The following ADAMTSL1 variants were observed in gnomAD, a reference collection of about 807,000 sequenced individuals.
The protein encoded by ADAMTSL1 is ADAMTS like 1, also known as ADAMTS-like protein 1.
Under a neutral mutation model 201.8 loss-of-function variants are expected in ADAMTSL1, and 126 were observed. The ratio of observed to expected loss-of-function variants is 0.62; its 90% CI spans 0.54 to 0.72. ADAMTSL1 has a LOEUF of 0.72. Ranked by LOEUF, ADAMTSL1 falls within the 30% of genes least tolerant of loss-of-function variation. The pLI, the probability that ADAMTSL1 is intolerant of heterozygous loss-of-function variation, is 0.00. For missense variants in ADAMTSL1, 2,679 were observed against 2,277.8 expected (o/e 1.18, Z -3.59); for synonymous variants, 1,121 against 903.4 (o/e 1.24, Z -4.32).
intron 2 of ADAMTSL1, among the ~76,000 whole-genome samples, chr9:18,300,461 G>T (rs1833662396): frequency 6.6e-6 from 1 of 151,780 alleles, no homozygotes; most frequent in Non-Finnish European, 1.5e-5. Context: ...GGGCCTGTCA[G>T]GGGGAGGGGG....
At position 17,969,693 on chromosome 9, in the gene ADAMTSL1, T is replaced by C. The variant is rs183083811; in HGVS notation, c.87+62771T>C. On this transcript the variant is annotated intron_variant, in intron 1 of 29. Transcript: ENST00000680146. ...AGTTGTAGATTAAACACATGTCTAA[T>C]CTATACATTAAGTTATTTTTAGAAA... Among the ~76,000 whole-genome samples, 53 of 152,182 alleles carry C rather than the reference T, an allele frequency of 3.5e-4. 1 individual carries two copies. Among genetic ancestry groups the C allele is most frequent in the Admixed American group, 3.3e-3 (50 of 15,246 alleles).
intron 2 of ADAMTSL1, among the ~76,000 whole-genome samples, chr9:18,168,272 C>A (rs996020132): frequency 2.0e-5 from 3 of 152,016 alleles, no homozygotes; most frequent in Non-Finnish European, 1.5e-5. Flanking sequence ...CTATCCCTCA[C>A]CCCTCCCCCA....
At chr9:18,856,419 C>T (rs1490855812) in intron 23 of ADAMTSL1, among the ~76,000 whole-genome samples, 1 of 147,976 alleles carries the variant, frequency 6.8e-6, no homozygotes, top group South Asian at 2.2e-4. Flanking sequence ...TTATTGTTGA[C>T]ATAGCAATGA....
intron 23 of ADAMTSL1, among the ~76,000 whole-genome samples, chr9:18,846,372 G>T (rs1017995483): frequency 1.5e-4 from 23 of 152,202 alleles, no homozygotes; most frequent in Admixed American, 1.5e-3. Context: ...CTGGATAGAG[G>T]TTACCCAGGT....
At chr9:18,727,507 T>C (rs1817959030) in intron 15 of ADAMTSL1, among the ~76,000 whole-genome samples, 1 of 152,248 alleles carries the variant, frequency 6.6e-6, no homozygotes, top group South Asian at 2.1e-4. Flanking sequence ...TGGATAGGAA[T>C]CTGCCATAGC....
At chr9:18,823,999 G>C (rs977093739) in intron 21 of ADAMTSL1, among the ~76,000 whole-genome samples, 3 of 150,894 alleles carry the variant, frequency 2.0e-5, no homozygotes, top group African/African-American at 7.3e-5. Flanking sequence ...CAATAAGAAA[G>C]AAAAGGAAGG....
At chr9:18,015,497 G>C (rs908131259) in intron 1 of ADAMTSL1, among the ~76,000 whole-genome samples, 1 of 152,002 alleles carries the variant, frequency 6.6e-6, no homozygotes, top group African/African-American at 2.4e-5. Context: ...AGCTCATTTT[G>C]GTTAGTGCTT....
At chr9:18,250,755 C>T (rs970385712) in intron 2 of ADAMTSL1, among the ~76,000 whole-genome samples, 6 of 151,994 alleles carry the variant, frequency 3.9e-5, no homozygotes, top group African/African-American at 7.3e-5. Context: ...GATACAGTGG[C>T]GGTTTTCCAC....
At chr9:18,036,316 T>C (rs893459508) in intron 1 of ADAMTSL1, among the ~76,000 whole-genome samples, 3 of 152,202 alleles carry the variant, frequency 2.0e-5, no homozygotes, top group African/African-American at 7.2e-5. Flanking sequence ...TTTTCACTTT[T>C]CCCAAAGGCC....
chr9:17,934,649 A>G (rs1289094524), intron 1 of ADAMTSL1, among the ~76,000 whole-genome samples: 4 of 152,042 alleles, frequency 2.6e-5, no homozygotes, highest in African/African-American at 9.7e-5. Flanking sequence ...GACCTGCCGC[A>G]TTTCTTTCCC....
chr9:18,681,697 T>TGTGTGGCGGG, intron 11 of ADAMTSL1, 115 bp from the exon 12 acceptor site: 1 of 238,092 alleles, frequency 4.2e-6, no homozygotes, highest in South Asian at 8.4e-5. Flanking sequence ...AGTCCTCGTG[T>TGTGTGGCGGG]GGGGGGGGGG....
chr9:18,584,043 A>C (rs1823298679), intron 4 of ADAMTSL1, among the ~76,000 whole-genome samples: 1 of 151,828 alleles, frequency 6.6e-6, no homozygotes, highest in Non-Finnish European at 1.5e-5. Flanking sequence ...ACTTTGGGGG[A>C]CTGTTGAGAA....
intron 1 of ADAMTSL1, among the ~76,000 whole-genome samples, chr9:18,070,798 G>A (rs551536071): frequency 3.3e-4 from 51 of 152,270 alleles, no homozygotes; most frequent in African/African-American, 1.1e-3. Context: ...TGGAGATGAT[G>A]CAGGATGGGC....
chr9:18,368,422 A>G (rs1415584189), intron 2 of ADAMTSL1, among the ~76,000 whole-genome samples: 3 of 152,224 alleles, frequency 2.0e-5, no homozygotes, highest in Non-Finnish European at 4.4e-5. Context: ...GACAAAAGGC[A>G]GTAGAACTCA....
intron 1 of ADAMTSL1, among the ~76,000 whole-genome samples, chr9:17,993,006 C>G (rs1819223118): frequency 6.6e-6 from 1 of 152,122 alleles, no homozygotes; most frequent in Admixed American, 6.5e-5. Flanking sequence ...ACTAAGTTTA[C>G]TAAAGTGAAT....
intron 1 of ADAMTSL1, among the ~76,000 whole-genome samples, chr9:18,005,083 T>C (rs1819757200): frequency 1.3e-5 from 2 of 152,122 alleles, no homozygotes; most frequent in African/African-American, 4.8e-5. Context: ...ATCCGTGCTC[T>C]GACGGTAGCT....
At chr9:18,167,328 G>C (rs550279043) in intron 2 of ADAMTSL1, among the ~76,000 whole-genome samples, 1 of 151,956 alleles carries the variant, frequency 6.6e-6, no homozygotes, top group African/African-American at 2.4e-5. Context: ...TTGTACCTTG[G>C]TATAAAAGAG....
chr9:18,740,707 C>A (rs1818780981), intron 15 of ADAMTSL1, among the ~76,000 whole-genome samples: 1 of 151,982 alleles, frequency 6.6e-6, no homozygotes, highest in Non-Finnish European at 1.5e-5. Context: ...GAACTCCTGA[C>A]CTCAGATGAT....
chr9:18,877,837 CAA>C (rs1828266295), intron 23 of ADAMTSL1, among the ~76,000 whole-genome samples: 1 of 152,044 alleles, frequency 6.6e-6, no homozygotes, highest in Non-Finnish European at 1.5e-5. Flanking sequence ...ACAGATCTCC[CAA>C]GAGATTATGT....
Sources: allele counts gnomAD v4.1 joint callset (sites outside exome capture counted in the v4.1 genomes callset), GRCh38; gene constraint gnomAD v4.1.1; transcripts MANE v1.5; gene names NCBI Gene and HGNC (gene_info 2026-07-23, HGNC 2026-07-21).